SP4: variants seen among roughly 807,000 people sequenced by gnomAD.
SP4 encodes the protein Sp4 transcription factor, also known as transcription factor Sp4.
Under a neutral mutation model 72.8 loss-of-function variants are expected in SP4, and 19 were observed. The ratio of observed to expected loss-of-function variants is 0.26; its 90% CI spans 0.18 to 0.38. The LOEUF is 0.38. Among genes scored for constraint, SP4 ranks in the 10% least tolerant of loss-of-function variants. The pLI is 1.00. For missense variants in SP4, 1,008 were observed against 926.3 expected (o/e 1.09, Z -1.14); for synonymous variants, 395 against 333.1 (o/e 1.19, Z -2.02).
At position 21,448,276 on chromosome 7, in the gene SP4, AAG is replaced by A. The variant is rs766005078; in HGVS notation, c.1678+17435_1678+17436del. Among the ~76,000 whole-genome samples, 409 of 97,580 alleles carry A rather than the reference AAG, an allele frequency of 4.2e-3. 6 individuals carry two copies. The highest frequency in any genetic ancestry group is 4.2e-4 in the Non-Finnish European group (18 of 43,154). The allele number at this position is 97,580 out of a possible 152,430, so 64.0% of individuals were successfully genotyped here. A position where few individuals can be genotyped will look rare whatever the true frequency, so the allele number is the denominator to read the frequency against. Reference sequence around the variant, plus strand: ...ACTATTATACAGAAATTTTTTAAAAAAGAAAATTGTGCTTTCTAGTACCACTG... The same window carrying A: ...ACTATTATACAGAAATTTTTTAAAAAAAAATTGTGCTTTCTAGTACCACTG... On this transcript the variant is annotated intron_variant, in intron 3 of 5. Transcript: ENST00000222584.
intron 2 of SP4, 112 bp from the exon 3 acceptor site, chr7:21,429,177 A>G (rs1782739558): frequency 1.6e-5 from 10 of 615,574 alleles, no homozygotes; most frequent in South Asian, 6.4e-5. Context: ...TGCTTCCTAA[A>G]TTGTTATGTA....
At chr7:21,502,481 T>G (rs1781896641) in intron 5 of SP4, among the ~76,000 whole-genome samples, 2 of 152,118 alleles carry the variant, frequency 1.3e-5, no homozygotes, top group South Asian at 4.2e-4. Flanking sequence ...CATTTTCCCA[T>G]GCATCCTTGT....
rs1784943278 is a variant in SP4 at position 21,490,344 on chromosome 7, C to T, written c.2107+8221C>T. On this transcript the variant is annotated intron_variant, in intron 5 of 5. Coordinates refer to ENST00000222584, the MANE Select transcript of SP4 (RefSeq NM_003112.5). ...AAAGCAAGAAAAGGGGCCTTTTGCT[C>T]CAAAACCAGTTCCATTTGCAGATTA... is the stretch of plus-strand genomic sequence containing the variant. Among the ~76,000 whole-genome samples, 6 of 152,262 alleles carry T rather than the reference C, an allele frequency of 3.9e-5. No homozygotes were observed. The South Asian group carries it at 1.2e-3, about 32-fold the overall frequency.
chr7:21,460,333 A>G (rs1363113469), intron 3 of SP4, among the ~76,000 whole-genome samples: 1 of 152,060 alleles, frequency 6.6e-6, no homozygotes, highest in Non-Finnish European at 1.5e-5. Context: ...TTGAAGCTGC[A>G]GACCTTCGCG....
At chr7:21,463,305 G>C (rs1784054696) in intron 3 of SP4, among the ~76,000 whole-genome samples, 1 of 152,090 alleles carries the variant, frequency 6.6e-6, no homozygotes, top group South Asian at 2.1e-4. Flanking sequence ...GAAAAAAATT[G>C]GAACAGCCAA....
At position 21,428,091 on chromosome 7, in the gene SP4, G is replaced by A. The variant is rs988776171; in HGVS notation, c.-161G>A. The stretch of plus-strand genomic sequence containing the variant: ...AGAGGAGCTGCTACGCCACAGCCCA[G>A]CGGCGGCCATTCGCGGAAAAAGAGG... On this transcript the variant is annotated 5_prime_UTR_variant, in exon 1 of 6. Coordinates refer to ENST00000222584, the MANE Select transcript of SP4 (RefSeq NM_003112.5). The A allele has an allele frequency of 1.0e-5, 7 of 669,550 alleles. No homozygotes were observed. The African/African-American group carries it at 1.2e-4, about 12-fold the overall frequency. 41.5% of individuals were successfully genotyped at this position (669,550 alleles called of 1,614,324 possible).
At chr7:21,508,069 C>T (rs140936270) in intron 5 of SP4, among the ~76,000 whole-genome samples, 9 of 152,146 alleles carry the variant, frequency 5.9e-5, no homozygotes, top group Middle Eastern at 3.4e-3. Flanking sequence ...CTCCCTGTGT[C>T]GCCTCTGCTG....
intron 5 of SP4, among the ~76,000 whole-genome samples, chr7:21,502,151 T>C (rs949945700): frequency 6.6e-6 from 1 of 150,526 alleles, no homozygotes; most frequent in Non-Finnish European, 1.5e-5. Context: ...TCTTATGGAA[T>C]ACCAGGATGA....
intron 5 of SP4, among the ~76,000 whole-genome samples, chr7:21,501,804 C>T (rs765705463): frequency 8.5e-5 from 13 of 152,206 alleles, no homozygotes; most frequent in African/African-American, 1.4e-4. Context: ...ATAACACATA[C>T]GCCCCCTTTT....
intron 3 of SP4, among the ~76,000 whole-genome samples, chr7:21,449,184 C>G (rs1445486913): frequency 6.6e-6 from 1 of 152,198 alleles, no homozygotes; most frequent in African/African-American, 2.4e-5. Flanking sequence ...GTTATTCAAA[C>G]TAGCCAACCC....
chr7:21,485,309 G>A lies in SP4; in HGVS notation c.2107+3186G>A, dbSNP rs1583434029. Reference sequence around the variant, plus strand: ...AATGGAGTTATTTGTATTCACTGCTGAAAATAGTGATCTGTTTGCTTTTTA... The same window carrying A: ...AATGGAGTTATTTGTATTCACTGCTAAAAATAGTGATCTGTTTGCTTTTTA... On this transcript the variant is annotated intron_variant, in intron 5 of 5. Coordinates refer to ENST00000222584, the MANE Select transcript of SP4 (RefSeq NM_003112.5). 2.0e-5 allele frequency among the ~76,000 whole-genome samples: 3 copies of A among 151,944 alleles called. No homozygotes were observed. The South Asian group carries it at 6.2e-4, about 31-fold the overall frequency.
At chr7:21,476,144 C>T (rs963913276) in intron 3 of SP4, among the ~76,000 whole-genome samples, 5 of 151,968 alleles carry the variant, frequency 3.3e-5, no homozygotes, top group Non-Finnish European at 7.4e-5. Context: ...CATGGTGGCA[C>T]ACGCCTGTCA....
intron 3 of SP4, among the ~76,000 whole-genome samples, chr7:21,459,399 G>A (rs10249114): frequency 0.085 from 12,942 of 152,200 alleles, 666 homozygotes; most frequent in Non-Finnish European, 0.11. Context: ...GATTACAGGT[G>A]TGAGCCACCG....
At chr7:21,432,252 C>T (rs1271889870) in intron 3 of SP4, among the ~76,000 whole-genome samples, 3 of 152,186 alleles carry the variant, frequency 2.0e-5, no homozygotes, top group East Asian at 1.9e-4. Context: ...ACTATTACAG[C>T]GTAATTACAT....
At chr7:21,453,648 A>G (rs1285013558) in intron 3 of SP4, among the ~76,000 whole-genome samples, 1 of 152,252 alleles carries the variant, frequency 6.6e-6, no homozygotes, top group East Asian at 1.9e-4. Context: ...AAAACCTTAT[A>G]GACAAATCTA....
At chr7:21,505,032 C>G (rs138990026) in intron 5 of SP4, among the ~76,000 whole-genome samples, 1 of 152,214 alleles carries the variant, frequency 6.6e-6, no homozygotes, top group South Asian at 2.1e-4. Flanking sequence ...AATGAGGGCC[C>G]GCTTTAGCTC....
chr7:21,439,926 A>T (rs565581069), intron 3 of SP4, among the ~76,000 whole-genome samples: 1 of 152,234 alleles, frequency 6.6e-6, no homozygotes, highest in Non-Finnish European at 1.5e-5. Flanking sequence ...TCTGTATGTA[A>T]AATGTTTAAG....
intron 4 of SP4, among the ~76,000 whole-genome samples, chr7:21,479,081 GAAAGAAA>G (rs1219179832): frequency 7.1e-6 from 1 of 140,448 alleles, no homozygotes; most frequent in South Asian, 2.1e-4. Flanking sequence ...AAAAAAAAAA[GAAAGAAA>G]AAAGAAAAAT....
Position 21,511,800 on chromosome 7 carries a change from T to G in SP4, c.*531T>G, listed in dbSNP as rs1254629988. On this transcript the variant is annotated 3_prime_UTR_variant, in exon 6 of 6. Transcript: ENST00000222584. ...CGTCTTTTCTAAATGTTAGAAATTC[T>G]TCAACAGTTGAATTAGGTAAGTTCC... 2 of 155,148 alleles carry G rather than the reference T, an allele frequency of 1.3e-5. No homozygotes were observed. The highest frequency in any genetic ancestry group is 1.4e-5 in the Non-Finnish European group (1 of 69,636). 9.6% of individuals were successfully genotyped at this position (155,148 alleles called of 1,614,324 possible). A position where few individuals can be genotyped will look rare whatever the true frequency, so the allele number is the denominator to read the frequency against.
Sources: allele counts gnomAD v4.1 joint callset (sites outside exome capture counted in the v4.1 genomes callset), GRCh38; gene constraint gnomAD v4.1.1; transcripts MANE v1.5; gene names NCBI Gene and HGNC (gene_info 2026-07-23, HGNC 2026-07-21).